HPSE2: variants seen among roughly 807,000 people sequenced by gnomAD.
HPSE2 encodes inactive heparanase-2.
Under a neutral mutation model 60.5 loss-of-function variants are expected in HPSE2, and 38 were observed. The ratio of observed to expected loss-of-function variants is 0.63; its 90% CI spans 0.48 to 0.82. The LOEUF (loss-of-function observed/expected upper bound fraction) is 0.82, where lower values mean the gene tolerates loss of function less well. Ranked by LOEUF, HPSE2 falls within the 40% of genes least tolerant of loss-of-function variation. HPSE2 has a pLI of 0.00. For missense variants in HPSE2, 713 were observed against 740.4 expected (o/e 0.96, Z 0.43); for synonymous variants, 295 against 293.2 (o/e 1.01, Z -0.06).
intron 3 of HPSE2, among the ~76,000 whole-genome samples, chr10:98,783,010 T>C (rs1950516926): frequency 8.6e-6 from 1 of 115,730 alleles, no homozygotes; most frequent in Admixed American, 8.5e-5. Flanking sequence ...TACATATGTA[T>C]ACATGTGCCA....
At chr10:99,191,118 TA>T (rs1439648457) in intron 2 of HPSE2, among the ~76,000 whole-genome samples, 3 of 151,730 alleles carry the variant, frequency 2.0e-5, no homozygotes, top group African/African-American at 7.3e-5. Context: ...TGGAATAGAG[TA>T]CCAAGTAAAT....
At chr10:98,461,186 G>C (rs1940272043) in intron 11 of HPSE2, among the ~76,000 whole-genome samples, 1 of 152,284 alleles carries the variant, frequency 6.6e-6, no homozygotes, top group African/African-American at 2.4e-5. Flanking sequence ...CAATAGAGCA[G>C]TGAATTCCCA....
intron 4 of HPSE2, 124 bp from the exon 5 acceptor site, chr10:98,721,952 G>A (rs1351712978): frequency 5.9e-6 from 5 of 853,272 alleles, no homozygotes; most frequent in African/African-American, 5.2e-5. Flanking sequence ...AAAAAAGTGG[G>A]TGTGAATTAT....
At chr10:98,554,709 T>C (rs1367927228) in intron 9 of HPSE2, among the ~76,000 whole-genome samples, 1 of 152,216 alleles carries the variant, frequency 6.6e-6, no homozygotes, top group Non-Finnish European at 1.5e-5. Context: ...TTTTGAATTC[T>C]CTAAAATTAA....
chr10:98,738,946 A>G (rs2134311390), intron 4 of HPSE2, among the ~76,000 whole-genome samples: 1 of 152,310 alleles, frequency 6.6e-6, no homozygotes, highest in Non-Finnish European at 1.5e-5. Context: ...TAGAAATACC[A>G]TTTGACCCAG....
At chr10:99,310,169 C>A in the HPSE2 span, among the ~76,000 whole-genome samples, 1 of 152,158 alleles carries the variant, frequency 6.6e-6, no homozygotes, top group African/African-American at 2.4e-5. Flanking sequence ...TTAGGGCCCA[C>A]CTGGAAAATC....
chr10:98,806,492 T>C (rs1951044402), intron 3 of HPSE2, among the ~76,000 whole-genome samples: 1 of 152,194 alleles, frequency 6.6e-6, no homozygotes, highest in East Asian at 1.9e-4. Flanking sequence ...CAGCTCTGCC[T>C]CTTACTTCCT....
chr10:98,491,581 T>C (rs1941646239), intron 9 of HPSE2, among the ~76,000 whole-genome samples: 1 of 152,254 alleles, frequency 6.6e-6, no homozygotes, highest in Non-Finnish European at 1.5e-5. Flanking sequence ...TGCAATGTAC[T>C]TTCTTTTAAA....
At chr10:99,294,295 CAG>C in the HPSE2 span, among the ~76,000 whole-genome samples, 2 of 148,456 alleles carry the variant, frequency 1.3e-5, no homozygotes, top group East Asian at 1.9e-4. Context: ...TATATAGAGA[CAG>C]AGAGAGAGAT....
At chr10:98,543,591 G>A (rs1462213194) in intron 9 of HPSE2, among the ~76,000 whole-genome samples, 3 of 152,086 alleles carry the variant, frequency 2.0e-5, no homozygotes, top group African/African-American at 4.8e-5. Flanking sequence ...CCCATCTCAC[G>A]TGCAGAGACA....
At chr10:99,008,858 G>A (rs1041153453) in intron 3 of HPSE2, among the ~76,000 whole-genome samples, 1 of 152,030 alleles carries the variant, frequency 6.6e-6, no homozygotes, top group South Asian at 2.1e-4. Context: ...GTTTTGATAA[G>A]CTTTTCTTAA....
intron 2 of HPSE2, among the ~76,000 whole-genome samples, chr10:99,154,091 A>G (rs918394893): frequency 2.0e-5 from 3 of 149,432 alleles, no homozygotes; most frequent in South Asian, 2.2e-4. Flanking sequence ...TCCAAGAAAT[A>G]TGAGACTATG....
intron 5 of HPSE2, among the ~76,000 whole-genome samples, chr10:98,714,723 T>C (rs1948751441): frequency 6.6e-6 from 1 of 151,936 alleles, no homozygotes; most frequent in Non-Finnish European, 1.5e-5. Flanking sequence ...TAGCCTTATG[T>C]TAATTACATT....
chr10:99,270,862 T>C, the HPSE2 span, among the ~76,000 whole-genome samples: 1 of 152,180 alleles, frequency 6.6e-6, no homozygotes, highest in Non-Finnish European at 1.5e-5. Flanking sequence ...ATACACCACA[T>C]AAATAGAATT....
intron 3 of HPSE2, among the ~76,000 whole-genome samples, chr10:99,060,034 C>T (rs1958199678): frequency 1.3e-5 from 2 of 151,404 alleles, no homozygotes; most frequent in African/African-American, 4.8e-5. Flanking sequence ...TAATATAATA[C>T]AACATCTCCC....
At chr10:98,461,269 G>C (rs1940276077) in intron 11 of HPSE2, among the ~76,000 whole-genome samples, 1 of 152,212 alleles carries the variant, frequency 6.6e-6, no homozygotes, top group Non-Finnish European at 1.5e-5. Context: ...GCCCCACATG[G>C]GTAAGTTTGG....
intron 2 of HPSE2, among the ~76,000 whole-genome samples, chr10:99,180,907 A>C (rs1202666437): frequency 6.7e-6 from 1 of 149,038 alleles, no homozygotes; most frequent in Non-Finnish European, 1.5e-5. Context: ...AAAAAAAAAA[A>C]AAAAAAAAAA....
At chr10:99,009,243 A>C (rs1476674610) in intron 3 of HPSE2, among the ~76,000 whole-genome samples, 2 of 17,352 alleles carry the variant, frequency 1.2e-4, no homozygotes, top group South Asian at 2.5e-3. Context: ...GTGTCTACAA[A>C]AAAAAAAAAA....
At position 99,126,332 on chromosome 10, in the gene HPSE2, C is replaced by T. The variant is rs772302749; in HGVS notation, c.610+17906G>A. On this transcript the variant is annotated intron_variant, in intron 3 of 11. Coordinates refer to ENST00000370552, the MANE Select transcript of HPSE2 (RefSeq NM_021828.5). This position sits in a 1 kb window ranked among gnomAD's most constrained non-coding sequence, Gnocchi z 4.0. ...TGCCCAAGTCTGAGCCCAGACTCAC[C>T]TAACCCTGCCCCAACCTGATGGTAT... 6.6e-6 allele frequency among the ~76,000 whole-genome samples: 1 copy of T among 152,150 alleles called. No homozygotes were observed. The highest frequency in any genetic ancestry group is 1.5e-5 in the Non-Finnish European group (1 of 68,030).
Sources: allele counts gnomAD v4.1 joint callset (sites outside exome capture counted in the v4.1 genomes callset), GRCh38; gene constraint gnomAD v4.1.1; non-coding constraint Gnocchi (gnomAD v3.1); transcripts MANE v1.5; gene names NCBI Gene and HGNC (gene_info 2026-07-23, HGNC 2026-07-21).